FHIT: variants seen among roughly 807,000 people sequenced by gnomAD.
FHIT encodes fragile histidine triad diadenosine triphosphatase, also known as bis(5'-adenosyl)-triphosphatase.
Under a neutral mutation model 17.9 loss-of-function variants are expected in FHIT, and 19 were observed. That is an observed-to-expected ratio of 1.06 (90% confidence interval 0.74 to 1.56). The LOEUF is 1.56. Ranked by LOEUF, FHIT falls within the 40% of genes most tolerant of loss-of-function variation. The pLI is 0.00. For missense variants in FHIT, 248 were observed against 189.2 expected (o/e 1.31, Z -1.82); for synonymous variants, 81 against 69.7 (o/e 1.16, Z -0.81).
At chr3:60,236,835 A>T (rs551840560) in intron 5 of FHIT, among the ~76,000 whole-genome samples, 7 of 152,312 alleles carry the variant, frequency 4.6e-5, no homozygotes, top group African/African-American at 1.4e-4. Flanking sequence ...AATCTTTATT[A>T]TCAGTTTCAG....
At chr3:60,915,118 G>A (rs1214651895) in intron 3 of FHIT, among the ~76,000 whole-genome samples, 1 of 152,140 alleles carries the variant, frequency 6.6e-6, no homozygotes, top group African/African-American at 2.4e-5. Flanking sequence ...TTTACAAGTT[G>A]TTATTTAACT....
chr3:60,971,094 G>A (rs1007763709), intron 3 of FHIT, among the ~76,000 whole-genome samples: 16 of 152,064 alleles, frequency 1.1e-4, no homozygotes, highest in African/African-American at 2.4e-4. Flanking sequence ...TGGGCCAGGC[G>A]CAGTGGCTTA....
intron 5 of FHIT, among the ~76,000 whole-genome samples, chr3:60,167,818 C>T (rs1172749061): frequency 1.3e-5 from 2 of 152,094 alleles, no homozygotes; most frequent in Non-Finnish European, 2.9e-5. Context: ...ATCAGTTGAG[C>T]TCAGGAATTT....
At chr3:60,533,814 C>T (rs1225914296) in intron 5 of FHIT, among the ~76,000 whole-genome samples, 1 of 152,060 alleles carries the variant, frequency 6.6e-6, no homozygotes, top group Non-Finnish European at 1.5e-5. Flanking sequence ...TGGACTTTAT[C>T]CTCAAAAAAC....
intron 8 of FHIT, among the ~76,000 whole-genome samples, chr3:59,900,964 G>C (rs1704301913): frequency 6.6e-6 from 1 of 152,106 alleles, no homozygotes; most frequent in Admixed American, 6.6e-5. Flanking sequence ...TGATAACCTT[G>C]GGGTTGTTTA....
intron 7 of FHIT, among the ~76,000 whole-genome samples, chr3:59,946,942 A>G (rs570203486): frequency 6.6e-6 from 1 of 152,286 alleles, no homozygotes; most frequent in South Asian, 2.1e-4. Flanking sequence ...TTTTATATCT[A>G]TGTTCATCAA....
At chr3:60,473,551 G>C (rs948674296) in intron 5 of FHIT, among the ~76,000 whole-genome samples, 4 of 152,154 alleles carry the variant, frequency 2.6e-5, no homozygotes, top group African/African-American at 7.2e-5. Flanking sequence ...AACCAATAGG[G>C]CTAACTACAA....
chr3:60,575,808 T>C (rs1553657398), intron 4 of FHIT, among the ~76,000 whole-genome samples: 1 of 152,036 alleles, frequency 6.6e-6, no homozygotes, highest in African/African-American at 2.4e-5. Flanking sequence ...GTATGAGCAG[T>C]GCAAAGGAAC....
At chr3:60,930,301 C>A (rs540090674) in intron 3 of FHIT, among the ~76,000 whole-genome samples, 1 of 152,260 alleles carries the variant, frequency 6.6e-6, no homozygotes, top group South Asian at 2.1e-4. Context: ...AGGACATAGG[C>A]ATGGGCAAGG....
rs570917972 is a variant in FHIT at position 60,394,619 on chromosome 3, T to A, written c.103+142241A>T. On this transcript the variant is annotated intron_variant, in intron 5 of 9. Coordinates refer to ENST00000492590, the MANE Select transcript of FHIT (RefSeq NM_002012.4). ...ACCATGGTCTTCTGAAGGTTACTTA[T>A]TATCTCTGAGCCTCAGTTTTTTCAT... 8.3e-4 allele frequency among the ~76,000 whole-genome samples: 127 copies of A among 152,296 alleles called. 1 individual carries two copies. The highest frequency in any genetic ancestry group is 3.0e-3 in the African/African-American group (124 of 41,562).
intron 8 of FHIT, among the ~76,000 whole-genome samples, chr3:59,812,601 A>G (rs2107051907): frequency 6.6e-6 from 1 of 152,338 alleles, no homozygotes; most frequent in Non-Finnish European, 1.5e-5. Context: ...GGAATTTGAC[A>G]TTTATGAAAA....
At chr3:59,907,747 A>G (rs564229845) in intron 8 of FHIT, among the ~76,000 whole-genome samples, 2 of 152,352 alleles carry the variant, frequency 1.3e-5, no homozygotes, top group South Asian at 4.1e-4. Flanking sequence ...GGCTTAAAAC[A>G]ACACAAATGT....
intron 3 of FHIT, among the ~76,000 whole-genome samples, chr3:60,846,251 T>C (rs904478701): frequency 1.3e-5 from 2 of 152,216 alleles, no homozygotes; most frequent in Non-Finnish European, 2.9e-5. Context: ...TAATGTATTA[T>C]ATATTTGTAA....
intron 4 of FHIT, among the ~76,000 whole-genome samples, chr3:60,606,375 G>A (rs537007581): frequency 1.8e-4 from 27 of 151,920 alleles, no homozygotes; most frequent in African/African-American, 5.8e-4. Context: ...CAAGTAGCTG[G>A]GACTACAGAT....
At chr3:59,892,780 A>G (rs962701407) in intron 8 of FHIT, among the ~76,000 whole-genome samples, 1 of 152,222 alleles carries the variant, frequency 6.6e-6, no homozygotes, top group Admixed American at 6.5e-5. Flanking sequence ...CCCAGAGCAA[A>G]GTGAAGACTT....
At chr3:59,876,532 G>A (rs1176744375) in intron 8 of FHIT, among the ~76,000 whole-genome samples, 1 of 152,146 alleles carries the variant, frequency 6.6e-6, no homozygotes, top group Non-Finnish European at 1.5e-5. Flanking sequence ...ATGTTCCATT[G>A]TCAGTCAACT....
Position 60,017,969 on chromosome 3 carries a change from TC to T in FHIT, c.104-3818del, listed in dbSNP as rs1182511921. Among the ~76,000 whole-genome samples the T allele has an allele frequency of 1.3e-5, 2 of 152,138 alleles. 1 individual carries two copies. Among genetic ancestry groups the T allele is most frequent in the Admixed American group, 1.3e-4 (2 of 15,278 alleles). ...ATCAAGAGTTGCAGTCTATTTCCCC[TC>T]CCCTTGAGTGTCTATCTTACTTTGT... On this transcript the variant is annotated intron_variant, in intron 5 of 9. Coordinates refer to ENST00000492590, the MANE Select transcript of FHIT (RefSeq NM_002012.4).
intron 8 of FHIT, among the ~76,000 whole-genome samples, chr3:59,778,146 C>T (rs780372): frequency 0.26 from 38,876 of 152,138 alleles, 5,419 homozygotes; most frequent in Admixed American, 0.31. Flanking sequence ...GTGCCTGGAA[C>T]TTTATCAGGG....
intron 4 of FHIT, among the ~76,000 whole-genome samples, chr3:60,592,833 G>A (rs141259569): frequency 6.6e-6 from 1 of 152,112 alleles, no homozygotes; most frequent in South Asian, 2.1e-4. Flanking sequence ...TGAGTCTGGA[G>A]AGAGTGAGTA....
Sources: allele counts gnomAD v4.1 joint callset (sites outside exome capture counted in the v4.1 genomes callset), GRCh38; gene constraint gnomAD v4.1.1; transcripts MANE v1.5; gene names NCBI Gene and HGNC (gene_info 2026-07-23, HGNC 2026-07-21).